The following ITGA11 variants were observed in gnomAD, a reference collection of about 807,000 sequenced individuals.
ITGA11 encodes integrin subunit alpha 11.
ITGA11 carries 97 observed loss-of-function variants against 141.9 expected under a neutral mutation model. That is an observed-to-expected ratio of 0.68 (90% confidence interval 0.58 to 0.81). The LOEUF is 0.81. Among genes scored for constraint, ITGA11 ranks in the 30% least tolerant of loss-of-function variants. The pLI is 0.00. For missense variants in ITGA11, 1,387 were observed against 1,559.2 expected (o/e 0.89, Z 1.86); for synonymous variants, 658 against 624.6 (o/e 1.05, Z -0.80).
chr15:68,371,399 G>A (rs530682405), intron 2 of ITGA11, among the ~76,000 whole-genome samples: 39 of 152,116 alleles, frequency 2.6e-4, no homozygotes, highest in Non-Finnish European at 4.9e-4. Context: ...AGAATCAGGC[G>A]CAGCATGTTC....
intron 26 of ITGA11, among the ~76,000 whole-genome samples, chr15:68,310,488 G>A (rs1303333315): frequency 6.6e-6 from 1 of 152,226 alleles, no homozygotes; most frequent in Non-Finnish European, 1.5e-5. Context: ...GCAACCCTGA[G>A]AATGCAAACT....
chr15:68,323,734 G>C (rs995830513), intron 18 of ITGA11, among the ~76,000 whole-genome samples: 2 of 152,082 alleles, frequency 1.3e-5, no homozygotes, highest in Non-Finnish European at 2.9e-5. Context: ...CAGCTCTCCC[G>C]GAATAAAAGC....
At chr15:68,420,642 G>T (rs1238435440) in intron 1 of ITGA11, among the ~76,000 whole-genome samples, 1 of 137,738 alleles carries the variant, frequency 7.3e-6, no homozygotes, top group Non-Finnish European at 1.5e-5. Context: ...TTAGTAAATG[G>T]GATTTCTAGC....
intron 7 of ITGA11, 41 bp downstream of exon 7, chr15:68,357,110 T>C (rs562275633): frequency 6.3e-7 from 1 of 1,594,902 alleles, no homozygotes; most frequent in South Asian, 1.1e-5. Flanking sequence ...CAATAGCATC[T>C]GAGATCTAAA....
chr15:68,430,692 G>C (rs920825958), intron 1 of ITGA11, among the ~76,000 whole-genome samples: 1 of 152,182 alleles, frequency 6.6e-6, no homozygotes, highest in Non-Finnish European at 1.5e-5. Flanking sequence ...CCCGCAGCTG[G>C]CTTCTAGTTG....
At chr15:68,367,760 G>C (rs1185677470) in intron 3 of ITGA11, among the ~76,000 whole-genome samples, 3 of 152,156 alleles carry the variant, frequency 2.0e-5, no homozygotes, top group Non-Finnish European at 4.4e-5. Context: ...GGATCCTAAG[G>C]GTTGTCGAGT....
chr15:68,347,164 G>A (rs780732216), intron 10 of ITGA11, among the ~76,000 whole-genome samples: 1 of 152,182 alleles, frequency 6.6e-6, no homozygotes, highest in Non-Finnish European at 1.5e-5. Context: ...GGCTGGTCCT[G>A]CCAGAGCACA....
chr15:68,386,993 G>A (rs1228977235), intron 2 of ITGA11, among the ~76,000 whole-genome samples: 1 of 152,132 alleles, frequency 6.6e-6, no homozygotes, highest in East Asian at 1.9e-4. Flanking sequence ...ACTCAGGCGA[G>A]GGAGTAAAGA....
intron 5 of ITGA11, among the ~76,000 whole-genome samples, chr15:68,360,009 G>C (rs1390176503): frequency 6.6e-6 from 1 of 152,144 alleles, no homozygotes; most frequent in Non-Finnish European, 1.5e-5. Flanking sequence ...GGGTGGCTTT[G>C]AGTTGGGACG....
At chr15:68,415,328 G>A (rs1896863784) in intron 1 of ITGA11, among the ~76,000 whole-genome samples, 1 of 152,160 alleles carries the variant, frequency 6.6e-6, no homozygotes. Flanking sequence ...AAGAAATTGT[G>A]TCTTCTGATG....
Position 68,328,817 on chromosome 15 carries a change from G to A in ITGA11, c.1902-555C>T, listed in dbSNP as rs531334294. Among the ~76,000 whole-genome samples the A allele has an allele frequency of 7.9e-5, 12 of 152,250 alleles. No homozygotes were observed. In the East Asian group the frequency reaches 9.7e-4, roughly 12 times the overall value. On this transcript the variant is annotated intron_variant, in intron 15 of 29. Coordinates refer to ENST00000315757, the MANE Select transcript of ITGA11 (RefSeq NM_001004439.2). This position sits in a 1 kb window ranked among gnomAD's most constrained non-coding sequence, Gnocchi z 4.8. ...TAACAAGATCCCAGGTGATGTGAAC[G>A]TTCCATGGACCACACTTCGAAGAGC...
In ITGA11 at chr15:68,307,247, T is replaced by C; in HGVS notation, c.3381+101A>G. 1 of 799,862 alleles carries C rather than the reference T, an allele frequency of 1.3e-6. No individual in the cohort carries two copies. The highest frequency in any genetic ancestry group is 2.0e-6 in the Non-Finnish European group (1 of 496,002). 49.5% of individuals were successfully genotyped at this position (799,862 alleles called of 1,614,324 possible). On this transcript the variant is annotated intron_variant, in intron 28 of 29. Coordinates refer to ENST00000315757, the MANE Select transcript of ITGA11 (RefSeq NM_001004439.2). The surrounding 1 kb of genome is among the most constrained non-coding windows in gnomAD (Gnocchi z 6.1). ...TGCCTGATTCTCTCCTGCTGGGACA[T>C]GCAGCCAGGGGTTGTAGGAAAACTC...
chr15:68,361,656 T>C lies in ITGA11; in HGVS notation c.406A>G (p.Thr136Ala), dbSNP rs371271629. ...GAGTTGACTCTTGAACACATCCCTG[T>C]GGTGTAGTAGGAGCTCCCACACTCA... ...SHECGSSYYT[T>A]GMCSRVNSNF... The change falls in exon 5 of 30, where the codon ACA becomes GCA. Residue 136 changes from threonine (T) to alanine (A), a missense_variant. Thr to Ala is a moderately conservative substitution (Grantham distance 58, BLOSUM62 0). Coordinates refer to ENST00000315757, the MANE Select transcript of ITGA11 (RefSeq NM_001004439.2). The C allele has an allele frequency of 6.2e-7, 1 of 1,610,562 alleles. No individual in the cohort carries two copies.
At chr15:68,373,479 T>G (rs1895648042) in intron 2 of ITGA11, among the ~76,000 whole-genome samples, 1 of 152,214 alleles carries the variant, frequency 6.6e-6, no homozygotes. Flanking sequence ...AGGAGTTCAA[T>G]GGAGTGACCC....
At chr15:68,342,547 C>A (rs1427074151) in intron 10 of ITGA11, among the ~76,000 whole-genome samples, 1 of 152,228 alleles carries the variant, frequency 6.6e-6, no homozygotes, top group Non-Finnish European at 1.5e-5. Context: ...CAGCTGCCCT[C>A]TGACCTGGCC....
intron 3 of ITGA11, among the ~76,000 whole-genome samples, chr15:68,367,849 A>G (rs1008743176): frequency 1.3e-5 from 2 of 152,180 alleles, no homozygotes; most frequent in Non-Finnish European, 2.9e-5. Context: ...ACAGCAAAGA[A>G]TTTGTACAGC....
chr15:68,329,032 G>A (rs767986555), intron 15 of ITGA11, among the ~76,000 whole-genome samples: 44 of 152,266 alleles, frequency 2.9e-4, no homozygotes, highest in Middle Eastern at 3.4e-3. Flanking sequence ...GAAGTAGAGT[G>A]GCTTAGAGGT....
chr15:68,330,217 G>A (rs563978303), intron 15 of ITGA11, among the ~76,000 whole-genome samples: 9 of 152,302 alleles, frequency 5.9e-5, no homozygotes, highest in East Asian at 3.9e-4. Context: ...TTGTGAACAG[G>A]AGCCTGTCTT....
intron 10 of ITGA11, among the ~76,000 whole-genome samples, chr15:68,344,953 C>T (rs1217684866): frequency 6.6e-6 from 1 of 152,096 alleles, no homozygotes; most frequent in Non-Finnish European, 1.5e-5. Flanking sequence ...GCTGAGCCCT[C>T]TGCACACCGT....
Sources: allele counts gnomAD v4.1 joint callset (sites outside exome capture counted in the v4.1 genomes callset), GRCh38; gene constraint gnomAD v4.1.1; non-coding constraint Gnocchi (gnomAD v3.1); transcripts MANE v1.5; gene names NCBI Gene and HGNC (gene_info 2026-07-23, HGNC 2026-07-21).